The following ATP2C2 variants were observed in gnomAD, a reference collection of about 807,000 sequenced individuals.
The protein encoded by ATP2C2 is calcium-transporting ATPase type 2C member 2.
ATP2C2 carries 171 observed loss-of-function variants against 110.8 expected under a neutral mutation model. The ratio of observed to expected loss-of-function variants is 1.54; its 90% confidence interval spans 1.36 to 1.75. ATP2C2 has a LOEUF of 1.75. Among genes scored for constraint, ATP2C2 ranks in the 40% most tolerant of loss-of-function variants. ATP2C2 has a pLI of 0.00. For missense variants in ATP2C2, 1,963 were observed against 1,235.0 expected (o/e 1.59, Z -8.84); for synonymous variants, 804 against 508.4 (o/e 1.58, Z -7.82).
At chr16:84,412,396 G>A (rs116710652) in intron 6 of ATP2C2, among the ~76,000 whole-genome samples, 1,716 of 144,294 alleles carry the variant, frequency 0.012, 33 homozygotes, top group African/African-American at 0.042. Context: ...ATGTGTCTGT[G>A]TGTGTCTGTG....
At chr16:84,459,595 G>A (rs1355352973) in intron 23 of ATP2C2, 1 of 1,535,724 alleles carries the variant, frequency 6.5e-7, no homozygotes, top group Non-Finnish European at 8.7e-7. Flanking sequence ...AGAGCTGGGT[G>A]AGGATGGAAC....
intron 16 of ATP2C2, among the ~76,000 whole-genome samples, chr16:84,447,050 A>G (rs1473262316): frequency 1.3e-5 from 2 of 152,230 alleles, no homozygotes; most frequent in Admixed American, 1.3e-4. Context: ...CTGATTTTTA[A>G]AATTTTCTTT....
rs758725271 is a variant in ATP2C2 at position 84,422,677 on chromosome 16, A to G, written c.823A>G (p.Lys275Glu). The change falls in exon 9 of 27, where the codon AAG (lysine) becomes GAG (glutamate). Residue 275 changes from lysine (K) to glutamate (E), a missense_variant. By Grantham distance (56) the Lys-to-Glu change is moderately conservative (BLOSUM62 1). Transcript: ENST00000262429. Reference sequence around the variant, plus strand: ...AAGCTCTCAGTTCGGAGAAGTGTTTAAGATGATGCAGGCTGAAGAGGTAAG... The same window carrying G: ...AAGCTCTCAGTTCGGAGAAGTGTTTGAGATGATGCAGGCTGAAGAGGTAAG... ...GESSQFGEVFKMMQAEETPKT... is the reference protein window; with the variant it reads ...GESSQFGEVFEMMQAEETPKT... 4 of 1,613,284 alleles carry G rather than the reference A, an allele frequency of 2.5e-6. No homozygotes were observed. The highest frequency in any genetic ancestry group is 2.5e-6 in the Non-Finnish European group (3 of 1,179,718).
intron 2 of ATP2C2, among the ~76,000 whole-genome samples, chr16:84,403,898 C>T (rs1290586414): frequency 1.3e-5 from 2 of 152,160 alleles, no homozygotes; most frequent in African/African-American, 4.8e-5. Context: ...GCCATGTTGA[C>T]AAGGCTGCTC....
rs564091352 is a variant in ATP2C2, at chr16:84,439,160, A to T, written c.987-6A>T. ...TAGAGGGGACTCATTTGACCTTTCG[A>T]TCCAGCCTGGCTGTGGCGGCCATTC... On this transcript the variant is annotated splice_region_variant and splice_polypyrimidine_tract_variant and intron_variant, in intron 11 of 26. Coordinates refer to ENST00000262429, the MANE Select transcript of ATP2C2 (RefSeq NM_014861.4). 1 of 1,612,152 alleles carries T rather than the reference A, an allele frequency of 6.2e-7. No homozygotes were observed. The highest frequency in any genetic ancestry group is 8.5e-7 in the Non-Finnish European group (1 of 1,179,998).
chr16:84,448,773 A>C (rs1032212411), intron 17 of ATP2C2, 84 bp downstream of exon 17: 1 of 1,517,516 alleles, frequency 6.6e-7, no homozygotes, highest in African/African-American at 1.4e-5. Context: ...GTCCCTAGTC[A>C]AGGAGGTCAC....
intron 2 of ATP2C2, among the ~76,000 whole-genome samples, chr16:84,403,472 A>T (rs1473217613): frequency 2.0e-5 from 3 of 151,978 alleles, no homozygotes; most frequent in Non-Finnish European, 4.4e-5. Context: ...CAATGGGCTA[A>T]TTTTTAAAAT....
chr16:84,459,879 T>A, intron 23 of ATP2C2: 1 of 352,132 alleles, frequency 2.8e-6, no homozygotes, highest in South Asian at 2.9e-5. Context: ...ATAAAGGGCT[T>A]GCCACTCAGT....
intron 1 of ATP2C2, among the ~76,000 whole-genome samples, chr16:84,392,805 G>A (rs1226696321): frequency 6.6e-6 from 1 of 151,954 alleles, no homozygotes; most frequent in Non-Finnish European, 1.5e-5. Flanking sequence ...GGGGAGGCCG[G>A]GCTGTGTGTC....
chr16:84,461,409 C>T, intron 24 of ATP2C2: 1 of 514,770 alleles, frequency 1.9e-6, no homozygotes, highest in Non-Finnish European at 3.5e-6. Flanking sequence ...GACCTTCACT[C>T]TGGGTTTAAC....
chr16:84,444,528 G>T (rs112660040), intron 15 of ATP2C2, among the ~76,000 whole-genome samples: 7,263 of 152,312 alleles, frequency 0.048, 219 homozygotes, highest in Admixed American at 0.077. Context: ...TCACAGAAGA[G>T]AATTCTCTCT....
chr16:84,392,504 C>T (rs1904720615), intron 1 of ATP2C2, among the ~76,000 whole-genome samples: 1 of 152,086 alleles, frequency 6.6e-6, no homozygotes, highest in Non-Finnish European at 1.5e-5. Flanking sequence ...CTCTTGTTGC[C>T]CAGGCTGGAG....
At chr16:84,461,942 G>A in intron 25 of ATP2C2, 46 bp from the exon 26 acceptor site, 1 of 1,608,976 alleles carries the variant, frequency 6.2e-7, no homozygotes, top group Non-Finnish European at 8.5e-7. Context: ...GCCTGTACCT[G>A]GGGTGTGGAC....
In ATP2C2 at chr16:84,459,330, C is replaced by G; in HGVS notation, c.2277C>G (p.Leu759=). 16 of 1,614,212 alleles carry G rather than the reference C, an allele frequency of 9.9e-6. No homozygotes were observed. Among genetic ancestry groups the G allele is most frequent in the Non-Finnish European group, 1.3e-5 (15 of 1,180,046 alleles). ...CCGTGTTCAACCTGCCCAGCCCCCT[C>G]AACGCCATGCAGATCCTATGGATCA... The part of the protein sequence containing the change: ...LSTVFNLPSP[L]NAMQILWINI... The change falls in exon 23 of 27, where the codon CTC becomes CTG. Residue 759 remains leucine (L), a synonymous_variant. Transcript: ENST00000262429.
intron 17 of ATP2C2, among the ~76,000 whole-genome samples, chr16:84,450,514 C>T (rs1258190492): frequency 2.6e-5 from 4 of 152,196 alleles, no homozygotes; most frequent in African/African-American, 7.2e-5. Context: ...TAGAGCGCTA[C>T]TAGGTGGCCA....
intron 18 of ATP2C2, among the ~76,000 whole-genome samples, chr16:84,452,740 C>G (rs1910408350): frequency 6.6e-6 from 1 of 152,112 alleles, no homozygotes; most frequent in South Asian, 2.1e-4. Flanking sequence ...CTCAGGGAAT[C>G]TGCCCACCTC....
chr16:84,382,891 A>C (rs921582597), intron 1 of ATP2C2, among the ~76,000 whole-genome samples: 67 of 130,160 alleles, frequency 5.1e-4, no homozygotes, highest in African/African-American at 1.8e-3. Context: ...GCAAGACTCC[A>C]TCTAAAAAAA....
intron 1 of ATP2C2, among the ~76,000 whole-genome samples, chr16:84,375,554 AAAG>A (rs1334021542): frequency 3.4e-4 from 52 of 151,336 alleles, no homozygotes; most frequent in Middle Eastern, 6.8e-3. Context: ...AAAAAAAAAA[AAAG>A]AAAGAAAGAA....
At chr16:84,418,164 C>T (rs61546021) in intron 7 of ATP2C2, among the ~76,000 whole-genome samples, 5 of 152,160 alleles carry the variant, frequency 3.3e-5, no homozygotes, top group African/African-American at 7.2e-5. Flanking sequence ...CTCCAAGTGA[C>T]GCTTCGTCTT....
Sources: allele counts gnomAD v4.1 joint callset (sites outside exome capture counted in the v4.1 genomes callset), GRCh38; gene constraint gnomAD v4.1.1; transcripts MANE v1.5; gene names NCBI Gene and HGNC (gene_info 2026-07-23, HGNC 2026-07-21).